The following EXOC4 variants were observed in gnomAD, a reference collection of about 807,000 sequenced individuals.
EXOC4 encodes the protein exocyst complex component 4.
In EXOC4, 71 loss-of-function variants were observed where a neutral mutation model predicts 107.2. The observed-to-expected ratio is 0.66, with a 90% CI of 0.55 to 0.81. The LOEUF is 0.81. EXOC4 is among the 30% of genes least tolerant of loss of function. The pLI, the probability that EXOC4 is intolerant of heterozygous loss-of-function variation, is 0.00. For missense variants in EXOC4, 1,108 were observed against 1,189.6 expected (o/e 0.93, Z 1.01); for synonymous variants, 456 against 441.2 (o/e 1.03, Z -0.42).
At chr7:133,909,321 TAAAC>T (rs1286581033) in intron 12 of EXOC4, among the ~76,000 whole-genome samples, 2 of 152,094 alleles carry the variant, frequency 1.3e-5, no homozygotes, top group African/African-American at 4.8e-5. Flanking sequence ...CAAGTGGAAA[TAAAC>T]AATAAATTTC....
At chr7:133,887,654 G>C (rs1204314840) in intron 11 of EXOC4, among the ~76,000 whole-genome samples, 1 of 152,184 alleles carries the variant, frequency 6.6e-6, no homozygotes, top group Non-Finnish European at 1.5e-5. Context: ...CTACCCCAGA[G>C]ATAGTTATCA....
At chr7:133,439,182 CTTTTTTT>C (rs35280420) in intron 7 of EXOC4, among the ~76,000 whole-genome samples, 1 of 94,068 alleles carries the variant, frequency 1.1e-5, no homozygotes, top group African/African-American at 4.2e-5. Flanking sequence ...TTCATCAGTT[CTTTTTTT>C]TTTTTTTTTT....
intron 7 of EXOC4, among the ~76,000 whole-genome samples, chr7:133,384,664 C>T (rs904758221): frequency 4.1e-5 from 6 of 147,700 alleles, no homozygotes; most frequent in Non-Finnish European, 7.4e-5. Flanking sequence ...CTCTTGCCTA[C>T]TTGAGAAGGT....
In EXOC4 at chr7:133,924,180, C is replaced by T. The variant is rs78588201; in HGVS notation, c.2027+6442C>T. On this transcript the variant is annotated intron_variant, in intron 13 of 17. Transcript: ENST00000253861. ...ATGCCTGGGTGAACATGTCCCCACT[C>T]GTTCTCCGTAAGCATACTCATCTAA... 2.0e-3 allele frequency among the ~76,000 whole-genome samples: 312 copies of T among 152,316 alleles called. 2 individuals carry two copies. The highest frequency in any genetic ancestry group is 3.1e-3 in the Non-Finnish European group (210 of 68,024).
chr7:134,034,840 G>A (rs1795351755), intron 17 of EXOC4, among the ~76,000 whole-genome samples: 1 of 152,104 alleles, frequency 6.6e-6, no homozygotes, highest in South Asian at 2.1e-4. Context: ...ATGTGATGGC[G>A]TAAATGCTTT....
At chr7:133,326,047 T>C (rs759409301) in intron 5 of EXOC4, among the ~76,000 whole-genome samples, 4 of 152,244 alleles carry the variant, frequency 2.6e-5, no homozygotes, top group Non-Finnish European at 5.9e-5. Flanking sequence ...TCTCACGCCA[T>C]GTTTTTCAGC....
intron 9 of EXOC4, among the ~76,000 whole-genome samples, chr7:133,582,582 AT>A (rs563593601): frequency 0.015 from 2,147 of 147,112 alleles, 93 homozygotes; most frequent in Non-Finnish European, 0.012. Flanking sequence ...CAATTGCTCT[AT>A]TTTTTTTTTT....
intron 10 of EXOC4, among the ~76,000 whole-genome samples, chr7:133,658,599 A>T (rs1194730201): frequency 1.3e-5 from 2 of 152,122 alleles, no homozygotes; most frequent in East Asian, 3.9e-4. Context: ...CTTTGGGGTA[A>T]CGCTGCAGTT....
At chr7:133,983,833 C>T (rs969649186) in intron 14 of EXOC4, among the ~76,000 whole-genome samples, 3 of 152,178 alleles carry the variant, frequency 2.0e-5, no homozygotes, top group Non-Finnish European at 4.4e-5. Flanking sequence ...TACAGCACCA[C>T]AATACTGCTT....
rs547841381 is a variant in EXOC4 at position 133,745,880 on chromosome 7, G to A, written c.1515-71445G>A. 9.2e-5 allele frequency among the ~76,000 whole-genome samples: 14 copies of A among 152,056 alleles called. 1 individual carries two copies. The South Asian group carries it at 2.9e-3, about 32-fold the overall frequency. ...TTATATATTGTGTCTAATGCCAAGT[G>A]TCTGGCACAAGACTTCTCTTCAATA... On this transcript the variant is annotated intron_variant, in intron 10 of 17. Coordinates refer to ENST00000253861, the MANE Select transcript of EXOC4 (RefSeq NM_021807.4).
chr7:133,619,893 C>A (rs1802283631), intron 9 of EXOC4, among the ~76,000 whole-genome samples: 1 of 152,090 alleles, frequency 6.6e-6, no homozygotes, highest in South Asian at 2.1e-4. Context: ...ACAAGACCAC[C>A]CCTACAAGAG....
At chr7:133,448,475 A>G (rs1798267807) in intron 7 of EXOC4, among the ~76,000 whole-genome samples, 1 of 151,918 alleles carries the variant, frequency 6.6e-6, no homozygotes, top group Admixed American at 6.6e-5. Context: ...TTTTTAATTA[A>G]TTTATTTATT....
At chr7:133,810,142 A>G (rs1797183169) in intron 10 of EXOC4, among the ~76,000 whole-genome samples, 2 of 152,222 alleles carry the variant, frequency 1.3e-5, no homozygotes, top group Non-Finnish European at 2.9e-5. Flanking sequence ...ATAAGCAATT[A>G]TTTTTATTCA....
chr7:133,591,279 A>G (rs2432638), intron 9 of EXOC4, among the ~76,000 whole-genome samples: 94,959 of 151,982 alleles, frequency 0.62, 30,858 homozygotes, highest in South Asian at 0.73. Flanking sequence ...CTGTCTTCCC[A>G]CTTCAGCCTC....
intron 9 of EXOC4, among the ~76,000 whole-genome samples, chr7:133,561,213 C>CT (rs1156985223): frequency 1.3e-5 from 2 of 152,174 alleles, no homozygotes; most frequent in African/African-American, 4.8e-5. Flanking sequence ...AAGCACATGG[C>CT]TTTTTAATCT....
At chr7:133,470,520 G>GA (rs554631615) in intron 7 of EXOC4, among the ~76,000 whole-genome samples, 4 of 152,078 alleles carry the variant, frequency 2.6e-5, no homozygotes, top group South Asian at 4.1e-4. Flanking sequence ...TAGGTCCTCA[G>GA]AAAAAAACAG....
At chr7:134,099,904 G>A in the EXOC4 span, among the ~76,000 whole-genome samples, 7 of 151,748 alleles carry the variant, frequency 4.6e-5, no homozygotes, top group African/African-American at 1.5e-4. Context: ...ACAAGGTTTC[G>A]CCATGTTGGC....
At chr7:134,059,758 G>A (rs1451265012) in intron 17 of EXOC4, among the ~76,000 whole-genome samples, 2 of 152,178 alleles carry the variant, frequency 1.3e-5, no homozygotes, top group Non-Finnish European at 2.9e-5. Context: ...AACACTACAT[G>A]TGGTGGGGGC....
chr7:133,875,490 A>G (rs1200710293), intron 11 of EXOC4, among the ~76,000 whole-genome samples: 1 of 152,066 alleles, frequency 6.6e-6, no homozygotes, highest in Non-Finnish European at 1.5e-5. Flanking sequence ...TGAAAGAGAG[A>G]AGAGATCTCG....
Sources: gnomAD v4.1 joint callset for allele counts (sites outside exome capture counted in the v4.1 genomes callset) on GRCh38, gnomAD v4.1.1 for gene constraint, MANE v1.5 for transcripts, NCBI Gene and HGNC (gene_info 2026-07-23, HGNC 2026-07-21) for gene names.